Variants in IL19 observed in about 807,000 individuals in gnomAD.
The protein encoded by IL19 is interleukin 19.
In IL19, 15 loss-of-function variants were observed where a neutral mutation model predicts 19.5. The ratio of observed to expected loss-of-function variants is 0.77; its 90% CI spans 0.52 to 1.19. The LOEUF (loss-of-function observed/expected upper bound fraction) is 1.19, where lower values mean the gene tolerates loss of function less well. Among genes scored for constraint, IL19 ranks in the 50% most tolerant of loss-of-function variants. The pLI is 0.00. For synonymous variants in IL19, 78 were observed against 78.3 expected (o/e 1.00, Z 0.02); for missense variants, 199 against 213.1 (o/e 0.93, Z 0.41).
intron 4 of IL19, among the ~76,000 whole-genome samples, chr1:206,838,610 G>A (rs1223413134): frequency 6.6e-6 from 1 of 152,172 alleles, no homozygotes; most frequent in Non-Finnish European, 1.5e-5. Context: ...CTAGTTAGTG[G>A]CAGAGTTAGG....
At chr1:206,840,176 G>C (rs1299664825) in intron 5 of IL19, 174 bp downstream of exon 5, 2 of 770,488 alleles carry the variant, frequency 2.6e-6, no homozygotes, top group South Asian at 2.9e-5. Context: ...TGCTTCCCCA[G>C]GGCTCCCTGC....
chr1:206,799,017 T>G lies in IL19; in HGVS notation c.-3+11T>G. On this transcript the variant is annotated intron_variant, in intron 2 of 6. Coordinates refer to ENST00000659997, the MANE Select transcript of IL19 (RefSeq NM_153758.5). ...GCTCTGTTCCACGGGGTAAGTAATTTCTGCTATAGGGACCCTGGATGTGGA... is the reference window on the plus strand; with the variant it reads ...GCTCTGTTCCACGGGGTAAGTAATTGCTGCTATAGGGACCCTGGATGTGGA... 6.4e-7 allele frequency: 1 copy of G among 1,557,660 alleles called. No individual in the cohort carries two copies. Among genetic ancestry groups the G allele is most frequent in the Non-Finnish European group, 8.9e-7 (1 of 1,128,736 alleles).
rs539811334 is a variant in IL19 at position 206,813,819 on chromosome 1, T to C, written c.-3+14813T>C. ...TTGCAGAGCTACACTAAATTGACTT[T>C]AAGTAAAGGAGATGGCCCTCAATAG... On this transcript the variant is annotated intron_variant, in intron 2 of 6. Coordinates refer to ENST00000659997, the MANE Select transcript of IL19 (RefSeq NM_153758.5). Among the ~76,000 whole-genome samples, 193 of 152,278 alleles carry C rather than the reference T, an allele frequency of 1.3e-3. No homozygotes were observed. The Middle Eastern group carries it at 0.017, about 13-fold the overall frequency.
At chr1:206,804,100 T>G (rs1052170600) in intron 2 of IL19, among the ~76,000 whole-genome samples, 5 of 152,216 alleles carry the variant, frequency 3.3e-5, no homozygotes, top group Admixed American at 6.5e-5. Flanking sequence ...CTCACGCTTC[T>G]TGCAGGGCAG....
chr1:206,839,132 A>G (rs553545703), intron 4 of IL19, among the ~76,000 whole-genome samples: 1 of 152,226 alleles, frequency 6.6e-6, no homozygotes, highest in Non-Finnish European at 1.5e-5. Context: ...TGTCTAGCCA[A>G]CTTCACTGGG....
chr1:206,833,025 C>T (rs933966776), intron 2 of IL19, among the ~76,000 whole-genome samples: 5 of 152,336 alleles, frequency 3.3e-5, no homozygotes, highest in African/African-American at 1.2e-4. Context: ...ATAATTGCAC[C>T]TCATCCCAAG....
intron 1 of IL19, among the ~76,000 whole-genome samples, chr1:206,774,152 G>GGGAA (rs1388565561): frequency 6.6e-6 from 1 of 152,226 alleles, no homozygotes; most frequent in African/African-American, 2.4e-5. Context: ...GTGGGAGGGA[G>GGGAA]GGATGAGAGG....
chr1:206,781,553 C>G (rs1411659922), intron 1 of IL19, among the ~76,000 whole-genome samples: 2 of 151,752 alleles, frequency 1.3e-5, no homozygotes, highest in African/African-American at 4.8e-5. Context: ...TCTCAATCCT[C>G]CCCATACTCC....
chr1:206,839,693 G>A (rs917585562), intron 4 of IL19, among the ~76,000 whole-genome samples, 157 bp from the exon 5 acceptor site: 1 of 152,092 alleles, frequency 6.6e-6, no homozygotes, highest in African/African-American at 2.4e-5. Flanking sequence ...AGCTTTGATG[G>A]GAATAAGAGA....
chr1:206,838,406 A>G (rs866052771), intron 4 of IL19, among the ~76,000 whole-genome samples: 1 of 152,344 alleles, frequency 6.6e-6, no homozygotes. Context: ...AGAGACACAC[A>G]CACACACCTC....
In IL19 at chr1:206,786,207, G is replaced by C. The variant is rs567976308; in HGVS notation, c.-148-12654G>C. Among the ~76,000 whole-genome samples, 13 of 152,284 alleles carry C rather than the reference G, an allele frequency of 8.5e-5. No homozygotes were observed. In the East Asian group the frequency reaches 2.5e-3, roughly 29 times the overall value. ...GCTATGAGAAAAAAATGGGAAAAATGCTTGTCATAGTGCACGGTTTATAGC... is the reference window on the plus strand; with the variant it reads ...GCTATGAGAAAAAAATGGGAAAAATCCTTGTCATAGTGCACGGTTTATAGC... On this transcript the variant is annotated intron_variant, in intron 1 of 6. Coordinates refer to ENST00000659997, the MANE Select transcript of IL19 (RefSeq NM_153758.5).
intron 2 of IL19, among the ~76,000 whole-genome samples, chr1:206,830,000 G>A (rs567154640): frequency 6.6e-6 from 1 of 152,270 alleles, no homozygotes; most frequent in East Asian, 1.9e-4. Context: ...CAGCTTCCTG[G>A]GTAATGACAA....
chr1:206,778,276 G>A (rs745960671), intron 1 of IL19, among the ~76,000 whole-genome samples: 94 of 152,310 alleles, frequency 6.2e-4, no homozygotes, highest in Middle Eastern at 3.4e-3. Flanking sequence ...TTCCTTAGGG[G>A]ATGGACACTG....
At chr1:206,790,335 T>A (rs1675367428) in intron 1 of IL19, among the ~76,000 whole-genome samples, 1 of 152,032 alleles carries the variant, frequency 6.6e-6, no homozygotes, top group Admixed American at 6.6e-5. Context: ...CCTCTCAGTA[T>A]CCCAGAAAAA....
At chr1:206,817,239 C>T (rs998804061) in intron 2 of IL19, among the ~76,000 whole-genome samples, 6 of 152,158 alleles carry the variant, frequency 3.9e-5, no homozygotes, top group African/African-American at 1.2e-4. Flanking sequence ...GAGATAACTG[C>T]GCATGCCTAA....
chr1:206,812,213 G>T (rs1167313903), intron 2 of IL19, among the ~76,000 whole-genome samples: 1 of 152,190 alleles, frequency 6.6e-6, no homozygotes, highest in Non-Finnish European at 1.5e-5. Flanking sequence ...GACTACACAG[G>T]TCTGCGAATC....
intron 1 of IL19, among the ~76,000 whole-genome samples, chr1:206,795,844 C>T (rs1675508501): frequency 6.6e-6 from 1 of 151,988 alleles, no homozygotes; most frequent in Non-Finnish European, 1.5e-5. Context: ...CTCACCTTCC[C>T]CAAGAAGAAG....
intron 2 of IL19, chr1:206,834,152 A>G: frequency 1.0e-6 from 1 of 985,582 alleles, no homozygotes; most frequent in African/African-American, 1.7e-5. Context: ...CTGCATGTCA[A>G]GACCCAGAAG....
rs756542399 is a variant in IL19, at chr1:206,770,883, G to A, written c.-344G>A. 1 of 1,612,966 alleles carries A rather than the reference G, an allele frequency of 6.2e-7. No individual in the cohort carries two copies. The highest frequency in any genetic ancestry group is 1.1e-5 in the South Asian group (1 of 91,060). On this transcript the variant is annotated 5_prime_UTR_variant, in exon 1 of 7. Transcript: ENST00000659997. ...ATGGTATTTTGGGGGCAGCTGCAAG[G>A]GAAAAAACTGATCTGCTACTTACAC...
Sources: gnomAD v4.1 joint callset for allele counts (sites outside exome capture counted in the v4.1 genomes callset) on GRCh38, gnomAD v4.1.1 for gene constraint, MANE v1.5 for transcripts, NCBI Gene and HGNC (gene_info 2026-07-23, HGNC 2026-07-21) for gene names.